The following RALYL variants were observed in gnomAD, a reference collection of about 807,000 sequenced individuals.
RALYL encodes RALY RNA binding protein like.
Under a neutral mutation model 35.1 loss-of-function variants are expected in RALYL, and 29 were observed. That is an observed-to-expected ratio of 0.83 (90% CI 0.61 to 1.13). The LOEUF (loss-of-function observed/expected upper bound fraction) is 1.13, where lower values mean the gene tolerates loss of function less well. Among genes scored for constraint, RALYL ranks in the 50% most tolerant of loss-of-function variants. RALYL has a pLI of 0.00. For missense variants in RALYL, 359 were observed against 360.4 expected (o/e 1.00, Z 0.03); for synonymous variants, 120 against 127.6 (o/e 0.94, Z 0.40).
At chr8:84,566,217 G>GA (rs2135688748) in intron 2 of RALYL, among the ~76,000 whole-genome samples, 1 of 151,408 alleles carries the variant, frequency 6.6e-6, no homozygotes, top group East Asian at 1.9e-4. Flanking sequence ...CTTTTTAAGA[G>GA]AAAATCTACA....
chr8:84,717,471 AAC>A (rs111940663), intron 2 of RALYL, among the ~76,000 whole-genome samples: 10,115 of 152,126 alleles, frequency 0.066, 772 homozygotes, highest in African/African-American at 0.19. Flanking sequence ...AAGCCAAATT[AAC>A]AGTCTTGCCT....
intron 1 of RALYL, among the ~76,000 whole-genome samples, chr8:84,445,829 A>G (rs1172637492): frequency 6.6e-6 from 1 of 151,434 alleles, no homozygotes; most frequent in Non-Finnish European, 1.5e-5. Context: ...TATGTTCTTT[A>G]ATTTTTCACA....
At chr8:84,413,004 C>G (rs2044250652) in intron 1 of RALYL, among the ~76,000 whole-genome samples, 1 of 151,664 alleles carries the variant, frequency 6.6e-6, no homozygotes. Context: ...AAGAATGCAA[C>G]AGAGAAGAAG....
At chr8:84,350,851 TA>T (rs1301887212) in intron 1 of RALYL, among the ~76,000 whole-genome samples, 1 of 150,138 alleles carries the variant, frequency 6.7e-6, no homozygotes, top group African/African-American at 2.5e-5. Context: ...AGTTGCTTTC[TA>T]TGCTCCGAAG....
intron 2 of RALYL, among the ~76,000 whole-genome samples, chr8:84,616,842 G>A (rs76013730): frequency 3.0e-4 from 46 of 151,808 alleles, no homozygotes; most frequent in Middle Eastern, 3.4e-3. Context: ...CATTTATTAA[G>A]TAGGGAATCC....
At chr8:84,474,747 C>A (rs189769354) in intron 1 of RALYL, among the ~76,000 whole-genome samples, 21 of 152,212 alleles carry the variant, frequency 1.4e-4, no homozygotes, top group Admixed American at 2.0e-4. Flanking sequence ...TTGGATATTT[C>A]AAACTATCTG....
chr8:84,242,731 A>G (rs116931846), intron 1 of RALYL, among the ~76,000 whole-genome samples: 2,890 of 152,230 alleles, frequency 0.019, 42 homozygotes, highest in Non-Finnish European at 0.031. Flanking sequence ...GACTCTGGAC[A>G]TTAGGCTTTT....
intron 1 of RALYL, among the ~76,000 whole-genome samples, chr8:84,317,556 T>C (rs1843984049): frequency 6.6e-6 from 1 of 152,190 alleles, no homozygotes; most frequent in African/African-American, 2.4e-5. Flanking sequence ...TCCGTCAGAA[T>C]TGCCGCATAC....
intron 2 of RALYL, among the ~76,000 whole-genome samples, chr8:84,730,705 G>A (rs974197099): frequency 6.6e-6 from 1 of 151,988 alleles, no homozygotes; most frequent in Non-Finnish European, 1.5e-5. Flanking sequence ...TCTGTACAAC[G>A]TTCTGAGCAG....
intron 1 of RALYL, among the ~76,000 whole-genome samples, chr8:84,241,413 G>A (rs1166113703): frequency 6.6e-6 from 1 of 152,084 alleles, no homozygotes; most frequent in African/African-American, 2.4e-5. Context: ...GCTTGGTGTG[G>A]CGGCTGGAGA....
chr8:84,565,738 G>A (rs758833014), intron 2 of RALYL, among the ~76,000 whole-genome samples: 4 of 151,448 alleles, frequency 2.6e-5, no homozygotes, highest in Non-Finnish European at 5.9e-5. Context: ...AGGATTTAAG[G>A]TTACATTAAT....
At chr8:84,275,545 A>G (rs1477121399) in intron 1 of RALYL, among the ~76,000 whole-genome samples, 1 of 151,960 alleles carries the variant, frequency 6.6e-6, no homozygotes, top group African/African-American at 2.4e-5. Flanking sequence ...TTTCATGGTG[A>G]GAACCCAACA....
chr8:84,561,520 A>G (rs2061468963), intron 2 of RALYL, among the ~76,000 whole-genome samples: 1 of 152,030 alleles, frequency 6.6e-6, no homozygotes, highest in African/African-American at 2.4e-5. Context: ...TCCTATACAT[A>G]CATAACAATA....
intron 1 of RALYL, among the ~76,000 whole-genome samples, chr8:84,321,083 G>A (rs1041559117): frequency 5.9e-5 from 9 of 152,088 alleles, no homozygotes; most frequent in Middle Eastern, 3.4e-3. Context: ...TCTTAGTATC[G>A]TAATAGAAAG....
intron 5 of RALYL, among the ~76,000 whole-genome samples, chr8:84,857,399 T>G (rs1837276326): frequency 6.6e-6 from 1 of 152,196 alleles, no homozygotes; most frequent in African/African-American, 2.4e-5. Flanking sequence ...AAAGAAGAAT[T>G]GTTTTCATGA....
intron 1 of RALYL, among the ~76,000 whole-genome samples, chr8:84,376,205 A>C (rs566309105): frequency 3.9e-5 from 6 of 152,016 alleles, no homozygotes; most frequent in African/African-American, 9.6e-5. Flanking sequence ...CTTCTTTGAA[A>C]GAAAAAATTT....
At chr8:84,654,279 ATAT>A (rs1829478661) in intron 2 of RALYL, among the ~76,000 whole-genome samples, 1 of 89,136 alleles carries the variant, frequency 1.1e-5, no homozygotes, top group African/African-American at 5.9e-5. Flanking sequence ...CCATATATAT[ATAT>A]ATATATATAT....
intron 2 of RALYL, among the ~76,000 whole-genome samples, chr8:84,532,288 G>T (rs1024825637): frequency 8.6e-5 from 13 of 151,868 alleles, no homozygotes; most frequent in African/African-American, 3.1e-4. Flanking sequence ...ACTTCCAATT[G>T]TTCCCTATAG....
chr8:84,185,136 TC>T, intron 1 of RALYL: 1 of 971,602 alleles, frequency 1.0e-6, no homozygotes, highest in Non-Finnish European at 1.7e-6. Context: ...GGTGTCGTCT[TC>T]CAGGGGATGG....
Sources: allele counts gnomAD v4.1 joint callset (sites outside exome capture counted in the v4.1 genomes callset), GRCh38; gene constraint gnomAD v4.1.1; transcripts MANE v1.5; gene names NCBI Gene and HGNC (gene_info 2026-07-23, HGNC 2026-07-21).